FLAD1: variants seen among roughly 807,000 people sequenced by gnomAD.
The protein encoded by FLAD1 is flavin adenine dinucleotide synthetase 1, also known as bifunctional FAD diphosphatase/FAD synthase.
A neutral mutation model predicts 55.0 loss-of-function variants in FLAD1; 35 were observed. The ratio of observed to expected loss-of-function variants is 0.64; its 90% CI spans 0.49 to 0.84. FLAD1 has a LOEUF of 0.84. Ranked by LOEUF, FLAD1 falls within the 40% of genes least tolerant of loss-of-function variation. The pLI is 0.00. For synonymous variants in FLAD1, 267 were observed against 303.0 expected, an observed-to-expected ratio of 0.88 and a Z score of 1.23; for missense variants, 665 against 742.6, an observed-to-expected ratio of 0.90 and a Z score of 1.21.
intron 6 of FLAD1, 48 bp from the exon 7 acceptor site, chr1:154,992,854 G>GGATC (rs1387539131): frequency 2.5e-6 from 4 of 1,613,754 alleles, no homozygotes; most frequent in African/African-American, 1.3e-5. Flanking sequence ...AGGGCCAATA[G>GGATC]GATCGCCCAC....
Position 154,992,521 on chromosome 1 carries a change from G to A in FLAD1, c.1555-192G>A, listed in dbSNP as rs745890354. ...GGGTGGTTCAAGAATGGAAAGCAGA[G>A]AGTGGAGAAGATGAAGTCCTTCTCT... On this transcript the variant is annotated intron_variant, in intron 5 of 6. Transcript: ENST00000292180. 9 of 1,552,486 alleles carry A rather than the reference G, an allele frequency of 5.8e-6. No homozygotes were observed. In the African/African-American group the frequency reaches 1.2e-4, roughly 21 times the overall value.
chr1:154,984,063 T>G lies in FLAD1; in HGVS notation c.369T>G (p.Leu123=). 6.6e-7 allele frequency: 1 copy of G among 1,507,630 alleles called. No homozygotes were observed. Among genetic ancestry groups the G allele is most frequent in the Non-Finnish European group, 8.9e-7 (1 of 1,127,664 alleles). 93.4% of individuals were successfully genotyped at this position (1,507,630 alleles called of 1,614,324 possible). Reference sequence around the variant, plus strand: ...TCATCATTGTTGGAGATGAGATCCTTAAGGTGTGTCTGGGACAGAAAAGGG... The same window carrying G: ...TCATCATTGTTGGAGATGAGATCCTGAAGGTGTGTCTGGGACAGAAAAGGG... ...AGIIIVGDEI[L]KGHTQDTNTF... is the part of the protein sequence containing the mutation. Residue 123 remains leucine (L), a synonymous_variant, in exon 1 of 7, where the codon CTT becomes CTG. Coordinates refer to ENST00000292180, the MANE Select transcript of FLAD1 (RefSeq NM_025207.5).
At chr1:154,988,988 C>G in intron 2 of FLAD1, 139 bp downstream of exon 2, 1 of 1,488,250 alleles carries the variant, frequency 6.7e-7, no homozygotes. Context: ...CATTATTCTT[C>G]CAATAAATGT....
At chr1:154,985,712 C>T (rs1657557381) in intron 1 of FLAD1, among the ~76,000 whole-genome samples, 1 of 146,376 alleles carries the variant, frequency 6.8e-6, no homozygotes, top group South Asian at 2.1e-4. Flanking sequence ...TGGCCCTGAC[C>T]CCAATTTTTT....
chr1:154,992,115 C>G (rs1425665177), intron 5 of FLAD1, among the ~76,000 whole-genome samples: 1 of 138,360 alleles, frequency 7.2e-6, no homozygotes, highest in African/African-American at 2.9e-5. Context: ...TGCACTCCAG[C>G]CTGGGTGACA....
intron 5 of FLAD1, chr1:154,990,818 A>G (rs1657825721): frequency 3.8e-6 from 1 of 264,926 alleles, no homozygotes; most frequent in African/African-American, 2.2e-5. Flanking sequence ...AATTAATTAG[A>G]ATGAAATACA....
chr1:154,984,941 T>G (rs1480349563), intron 1 of FLAD1, among the ~76,000 whole-genome samples: 1 of 150,820 alleles, frequency 6.6e-6, no homozygotes, highest in Non-Finnish European at 1.5e-5. Context: ...CACAGCTCAC[T>G]GAAGCCTCCA....
At position 154,988,689 on chromosome 1, in the gene FLAD1, C is replaced by A. The variant is rs758659901; in HGVS notation, c.957C>A (p.Asn319Lys). 6.2e-7 allele frequency: 1 copy of A among 1,614,196 alleles called. No homozygotes were observed. The highest frequency in any genetic ancestry group is 1.1e-5 in the South Asian group (1 of 91,082). ...GLGSYPDWGS[N>K]YYQVKLTLDS... ...GTTCCTACCCTGACTGGGGCAGCAA[C>A]TACTATCAGGTGAAGCTGACTCTAG... is the stretch of plus-strand genomic sequence containing the variant. The change falls in exon 2 of 7, where the codon AAC (asparagine) becomes AAA (lysine). Residue 319 changes from asparagine (N) to lysine (K), a missense_variant. By Grantham distance (94) the Asn-to-Lys change is moderately conservative. Transcript: ENST00000292180.
chr1:154,988,906 T>G (rs1657742420), intron 2 of FLAD1, 57 bp downstream of exon 2: 1 of 1,607,380 alleles, frequency 6.2e-7, no homozygotes, highest in South Asian at 1.1e-5. Flanking sequence ...GCACCCCAGA[T>G]CTCAGTAATG....
At chr1:154,986,467 G>C (rs1406523101) in intron 1 of FLAD1, among the ~76,000 whole-genome samples, 1 of 152,118 alleles carries the variant, frequency 6.6e-6, no homozygotes, top group Non-Finnish European at 1.5e-5. Context: ...ACTAGAGTCT[G>C]GTAGTGTCCT....
At chr1:154,987,739 C>A in intron 1 of FLAD1, 1 of 380,014 alleles carries the variant, frequency 2.6e-6, no homozygotes, top group Non-Finnish European at 4.8e-6. Flanking sequence ...GAATTCAACA[C>A]CAGCCTGGGC....
intron 1 of FLAD1, among the ~76,000 whole-genome samples, chr1:154,986,704 C>CTTTTTTT (rs776649473): frequency 5.5e-5 from 5 of 91,694 alleles, no homozygotes; most frequent in Admixed American, 1.1e-4. Flanking sequence ...GCCCCCCACC[C>CTTTTTTT]TTTTTTTTTT....
chr1:154,987,650 A>C (rs967295098), intron 1 of FLAD1: 2 of 203,690 alleles, frequency 9.8e-6, no homozygotes, highest in Non-Finnish European at 1.0e-5. Context: ...AGAAAGAAGA[A>C]AGCAGGCCAG....
Position 154,990,489 on chromosome 1 carries a change from C to T in FLAD1, c.1515C>T (p.Asp505=). Residue 505 remains aspartate, a synonymous_variant, in exon 5 of 7, where the codon GAC becomes GAT. Transcript: ENST00000292180. The part of the protein sequence containing the change: ...SCSLCPFSPT[D]PGWPAFMRIN... The stretch of plus-strand genomic sequence containing the variant: ...GCCTCTGCCCTTTCAGCCCCACTGA[C>T]CCAGGCTGGCCCGCATTCATGCGCA... 1 of 1,611,894 alleles carries T rather than the reference C, an allele frequency of 6.2e-7. No homozygotes were observed. The highest frequency in any genetic ancestry group is 8.5e-7 in the Non-Finnish European group (1 of 1,178,940).
intron 1 of FLAD1, among the ~76,000 whole-genome samples, chr1:154,985,924 C>T (rs1657574073): frequency 6.6e-6 from 1 of 150,430 alleles, no homozygotes; most frequent in African/African-American, 2.5e-5. Flanking sequence ...CGGGGTTTCT[C>T]CATGTTGGTC....
At chr1:154,989,831 T>G in intron 3 of FLAD1, 124 bp downstream of exon 3, 2 of 1,078,544 alleles carry the variant, frequency 1.9e-6, no homozygotes, top group Non-Finnish European at 2.6e-6. Context: ...GACCTCTCAG[T>G]TCCATTCTCC....
chr1:154,992,457 C>CAGAA, intron 5 of FLAD1: 1 of 985,236 alleles, frequency 1.0e-6, no homozygotes, highest in South Asian at 1.6e-5. Context: ...AAAAAATAGA[C>CAGAA]GGTTTCTCCC....
rs1657736053 is a variant in FLAD1, at chr1:154,988,772, C to T, written c.1040C>T (p.Pro347Leu). ...TTGGCCTACCTGACTGCCCGTTTGC[C>T]CCAGGGATCGCTGGTCCCCTACATG... ...ECLAYLTARLPQGSLVPYMPN... is the reference protein window; with the variant it reads ...ECLAYLTARLLQGSLVPYMPN... The change falls in exon 2 of 7, where the codon CCC (proline) becomes CTC (leucine). Residue 347 changes from proline (P) to leucine (L), a missense_variant. Physicochemically the swap from Pro to Leu is moderately conservative, Grantham distance 98. Coordinates refer to ENST00000292180, the MANE Select transcript of FLAD1 (RefSeq NM_025207.5). The T allele has an allele frequency of 6.2e-7, 1 of 1,614,072 alleles. No homozygotes were observed.
In FLAD1 at chr1:154,983,965, A is replaced by G. The variant is rs748262474; in HGVS notation, c.271A>G (p.Arg91Gly). 3 of 1,570,346 alleles carry G rather than the reference A, an allele frequency of 1.9e-6. No individual in the cohort carries two copies. The South Asian group carries it at 3.5e-5, about 18-fold the overall frequency. ...GLGGYWRALQ[R>G]GREGRTMTSR... ...GGGTGGCTACTGGAGGGCCTTGCAG[A>G]GGGGCAGAGAAGGCAGGACCATGAC... Residue 91 changes from arginine (R) to glycine (G), a missense_variant, in exon 1 of 7, where the codon AGG (arginine) becomes GGG (glycine). Physicochemically the swap from Arg to Gly is moderately radical, Grantham distance 125. Transcript: ENST00000292180.
Sources: gnomAD v4.1 joint callset for allele counts (sites outside exome capture counted in the v4.1 genomes callset) on GRCh38, gnomAD v4.1.1 for gene constraint, MANE v1.5 for transcripts, NCBI Gene and HGNC (gene_info 2026-07-23, HGNC 2026-07-21) for gene names.